FHIT: variants seen among roughly 807,000 people sequenced by gnomAD.
The protein encoded by FHIT is bis(5'-adenosyl)-triphosphatase.
In FHIT, 19 loss-of-function variants were observed where a neutral mutation model predicts 17.9. The ratio of observed to expected loss-of-function variants is 1.06; its 90% CI spans 0.74 to 1.56. FHIT has a LOEUF of 1.56. Ranked by LOEUF, FHIT falls within the 40% of genes most tolerant of loss-of-function variation. The pLI, the probability that FHIT is intolerant of heterozygous loss-of-function variation, is 0.00. For synonymous variants in FHIT, 81 were observed against 69.7 expected, an observed-to-expected ratio of 1.16 and a Z score of -0.81; for missense variants, 248 against 189.2, an observed-to-expected ratio of 1.31 and a Z score of -1.82.
At chr3:60,526,996 T>C (rs966210345) in intron 5 of FHIT, among the ~76,000 whole-genome samples, 3 of 152,216 alleles carry the variant, frequency 2.0e-5, no homozygotes, top group African/African-American at 7.2e-5. Flanking sequence ...CGTGGAGGTA[T>C]GTTTCAGTGA....
chr3:59,805,191 A>G (rs1302753225), intron 8 of FHIT, among the ~76,000 whole-genome samples: 1 of 152,134 alleles, frequency 6.6e-6, no homozygotes, highest in Non-Finnish European at 1.5e-5. Context: ...AGAGCTTGTG[A>G]AGACAGAGAT....
chr3:60,474,581 T>G (rs2033250887), intron 5 of FHIT, among the ~76,000 whole-genome samples: 1 of 152,152 alleles, frequency 6.6e-6, no homozygotes, highest in African/African-American at 2.4e-5. Flanking sequence ...GAAGTAAAGC[T>G]TAGGAGGCTC....
At chr3:59,906,620 C>T (rs138535473) in intron 8 of FHIT, among the ~76,000 whole-genome samples, 8 of 152,252 alleles carry the variant, frequency 5.3e-5, no homozygotes, top group African/African-American at 1.7e-4. Context: ...CAATGGCCTG[C>T]GTGATTTTCC....
chr3:60,679,616 ATAATT>A (rs1429644080), intron 4 of FHIT, among the ~76,000 whole-genome samples: 1 of 152,136 alleles, frequency 6.6e-6, no homozygotes, highest in Non-Finnish European at 1.5e-5. Context: ...TTACTGACAG[ATAATT>A]TAGAGTACTT....
chr3:59,855,595 T>C (rs918631870), intron 8 of FHIT, among the ~76,000 whole-genome samples: 1 of 152,262 alleles, frequency 6.6e-6, no homozygotes, highest in South Asian at 2.1e-4. Context: ...TAATAGAAGA[T>C]AGCCTCAATG....
chr3:60,313,904 T>C (rs1709056111), intron 5 of FHIT, among the ~76,000 whole-genome samples: 1 of 152,232 alleles, frequency 6.6e-6, no homozygotes, highest in Admixed American at 6.5e-5. Context: ...GTGCTGCTCT[T>C]GGCCCAAATG....
chr3:60,352,058 C>T (rs186764223), intron 5 of FHIT, among the ~76,000 whole-genome samples: 1 of 152,254 alleles, frequency 6.6e-6, no homozygotes, highest in African/African-American at 2.4e-5. Context: ...TTAATTGCTA[C>T]TTAAGATAAG....
chr3:61,176,605 C>T (rs1167047759), intron 2 of FHIT, among the ~76,000 whole-genome samples: 5 of 152,158 alleles, frequency 3.3e-5, no homozygotes, highest in Non-Finnish European at 7.3e-5. Context: ...GCAATATCCA[C>T]CTCGAGGTTA....
chr3:60,764,739 G>A (rs562465451), intron 4 of FHIT, among the ~76,000 whole-genome samples: 1 of 151,006 alleles, frequency 6.6e-6, no homozygotes, highest in East Asian at 1.9e-4. Context: ...ATATTAATAT[G>A]TGTTAATATA....
intron 5 of FHIT, among the ~76,000 whole-genome samples, chr3:60,043,345 G>T (rs1004645777): frequency 7.9e-5 from 12 of 152,204 alleles, no homozygotes; most frequent in Non-Finnish European, 1.6e-4. Flanking sequence ...CCTGGTTGGA[G>T]ATAATAAGTA....
intron 5 of FHIT, among the ~76,000 whole-genome samples, chr3:60,251,484 A>T (rs1705709372): frequency 6.6e-6 from 1 of 152,240 alleles, no homozygotes; most frequent in African/African-American, 2.4e-5. Context: ...GTCTGTGATC[A>T]TCCAGCTCAA....
intron 5 of FHIT, among the ~76,000 whole-genome samples, chr3:60,121,459 G>T (rs7611309): frequency 0.29 from 43,486 of 151,826 alleles, 6,618 homozygotes; most frequent in Non-Finnish European, 0.34. Context: ...GCAGAGGTGG[G>T]TGGATCATTT....
At chr3:60,144,849 G>A (rs1460332522) in intron 5 of FHIT, among the ~76,000 whole-genome samples, 1 of 152,144 alleles carries the variant, frequency 6.6e-6, no homozygotes, top group East Asian at 1.9e-4. Context: ...CTATCTGGCT[G>A]TTGATTGTAG....
intron 7 of FHIT, among the ~76,000 whole-genome samples, chr3:59,958,051 T>G (rs1707489569): frequency 6.6e-6 from 1 of 152,224 alleles, no homozygotes. Flanking sequence ...CCATACCATA[T>G]GCAAGAGCAG....
intron 5 of FHIT, among the ~76,000 whole-genome samples, chr3:60,251,490 C>T (rs142112271): frequency 6.6e-6 from 1 of 152,314 alleles, no homozygotes; most frequent in East Asian, 1.9e-4. Context: ...GATCATCCAG[C>T]TCAAGTGAAA....
At chr3:60,424,883 A>G (rs765017043) in intron 5 of FHIT, among the ~76,000 whole-genome samples, 5 of 152,186 alleles carry the variant, frequency 3.3e-5, no homozygotes, top group African/African-American at 1.2e-4. Context: ...TCAAACAAAA[A>G]TAACTGATCC....
At chr3:59,963,291 T>G (rs1559502398) in intron 7 of FHIT, among the ~76,000 whole-genome samples, 1 of 151,612 alleles carries the variant, frequency 6.6e-6, no homozygotes. Flanking sequence ...ATAATAATAA[T>G]AAAAGAAAAG....
chr3:60,621,652 T>C (rs2039133092), intron 4 of FHIT, among the ~76,000 whole-genome samples: 1 of 152,122 alleles, frequency 6.6e-6, no homozygotes, highest in African/African-American at 2.4e-5. Context: ...CACTTTTGGC[T>C]TTCCAGAGCA....
chr3:61,017,779 T>C (rs1301411412), intron 3 of FHIT, among the ~76,000 whole-genome samples: 2 of 152,222 alleles, frequency 1.3e-5, no homozygotes, highest in Non-Finnish European at 2.9e-5. Flanking sequence ...ATTGATTTAT[T>C]CTTTAATATC....
Sources: allele counts gnomAD v4.1 joint callset (sites outside exome capture counted in the v4.1 genomes callset), GRCh38; gene constraint gnomAD v4.1.1; transcripts MANE v1.5; gene names NCBI Gene and HGNC (gene_info 2026-07-23, HGNC 2026-07-21).